Variants in ACSM5 observed in about 807,000 individuals in gnomAD.
The protein encoded by ACSM5 is acyl-CoA synthetase medium chain family member 5, also known as acyl-coenzyme A synthetase ACSM5, mitochondrial.
A neutral mutation model predicts 71.6 loss-of-function variants in ACSM5; 56 were observed. The ratio of observed to expected loss-of-function variants is 0.78; its 90% confidence interval spans 0.63 to 0.98. The LOEUF is 0.98. Among genes scored for constraint, ACSM5 ranks in the 50% least tolerant of loss-of-function variants. The pLI is 0.00. For missense variants in ACSM5, 723 were observed against 726.0 expected, an observed-to-expected ratio of 1.00 and a Z score of 0.05; for synonymous variants, 285 against 281.5, an observed-to-expected ratio of 1.01 and a Z score of -0.12.
At chr16:20,432,847 CTTTTT>C (rs56853520) in intron 10 of ACSM5, among the ~76,000 whole-genome samples, 56 of 57,600 alleles carry the variant, frequency 9.7e-4, no homozygotes, top group African/African-American at 3.7e-3. Flanking sequence ...CCAGATCATT[CTTTTT>C]TTTTTTTTTT....
Position 20,411,536 on chromosome 16 carries a change from G to T in ACSM5, c.52G>T (p.Ala18Ser), listed in dbSNP as rs1966847644. The change falls in exon 2 of 14, where the codon GCA becomes TCA. Residue 18 changes from alanine (A) to serine (S), a missense_variant. By Grantham distance (99) the Ala-to-Ser change is moderately conservative (BLOSUM62 1). Transcript: ENST00000331849. The stretch of plus-strand genomic sequence containing the variant: ...CCTCCAGGCACTGAGGAACTCCAGG[G>T]CATTCTGTGGGTCTCATGGGAAGCC... ...LVLQALRNSR[A>S]FCGSHGKPAP... The T allele has an allele frequency of 1.2e-6, 2 of 1,614,178 alleles. No individual in the cohort carries two copies. The highest frequency in any genetic ancestry group is 4.5e-5 in the East Asian group (2 of 44,884).
chr16:20,415,744 C>G (rs912891366), intron 2 of ACSM5, among the ~76,000 whole-genome samples: 2 of 152,204 alleles, frequency 1.3e-5, no homozygotes, highest in Non-Finnish European at 2.9e-5. Flanking sequence ...AGCAAAGCCA[C>G]AATCACAGAT....
chr16:20,411,348 T>C, intron 1 of ACSM5, 122 bp from the exon 2 acceptor site: 1 of 753,126 alleles, frequency 1.3e-6, no homozygotes, highest in Admixed American at 2.4e-5. Context: ...GGAGAGTTTA[T>C]TCTACAAGTC....
intron 6 of ACSM5, among the ~76,000 whole-genome samples, 161 bp from the exon 7 acceptor site, chr16:20,427,627 G>A (rs573000103): frequency 2.0e-5 from 3 of 152,358 alleles, no homozygotes; most frequent in South Asian, 4.1e-4. Flanking sequence ...GCACATGCCA[G>A]GAAGTAGGAG....
chr16:20,427,811 C>T lies in ACSM5; in HGVS notation c.945C>T (p.Thr315=), dbSNP rs1967018158. ...AGACTCTCTCCAAATTCCCGATAAC[C>T]ACCCTCTGCTGTGTCCCAACCATCT... ...ILNTLSKFPI[T]TLCCVPTIFR... is the part of the protein sequence containing the mutation. Residue 315 remains threonine, a synonymous_variant, in exon 7 of 14, where the codon ACC becomes ACT. Transcript: ENST00000331849. The T allele has an allele frequency of 3.1e-6, 5 of 1,613,886 alleles. No individual in the cohort carries two copies. The highest frequency in any genetic ancestry group is 1.1e-5 in the South Asian group (1 of 91,060).
intron 7 of ACSM5, among the ~76,000 whole-genome samples, chr16:20,428,111 A>G (rs1463209996): frequency 2.6e-5 from 4 of 152,122 alleles, no homozygotes; most frequent in Admixed American, 2.0e-4. Context: ...GCCCCCCAAA[A>G]TTTGCATCCA....
At chr16:20,427,452 C>T (rs1037142265) in intron 6 of ACSM5, among the ~76,000 whole-genome samples, 2 of 152,202 alleles carry the variant, frequency 1.3e-5, no homozygotes, top group African/African-American at 4.8e-5. Flanking sequence ...GGCTTGCTTC[C>T]CCCAGAACAA....
chr16:20,423,053 G>C (rs928173426), intron 5 of ACSM5, among the ~76,000 whole-genome samples: 1 of 152,198 alleles, frequency 6.6e-6, no homozygotes, highest in Non-Finnish European at 1.5e-5. Flanking sequence ...CATGTCTGAA[G>C]TTAATGAGAA....
chr16:20,432,352 A>G (rs909860781), intron 10 of ACSM5, among the ~76,000 whole-genome samples: 1 of 152,214 alleles, frequency 6.6e-6, no homozygotes, highest in African/African-American at 2.4e-5. Flanking sequence ...TGTGTCTACT[A>G]AGCTGTCAAT....
chr16:20,421,283 A>G lies in ACSM5; in HGVS notation c.649A>G (p.Met217Val), dbSNP rs59025904. 0.074 allele frequency: 118,855 copies of G among 1,604,656 alleles called. 6,943 individuals are homozygous for G. The highest frequency in any genetic ancestry group is 0.29 in the African/African-American group (21,706 of 74,526). ...GGAGGCTTCTACAGAGCACAACTGC[A>G]TGAGGACAAAGAGTCGAGACCCGCT... Reference protein sequence around the residue: ...LREASTEHNCMRTKSRDPLAI... With the variant: ...LREASTEHNCVRTKSRDPLAI... The change falls in exon 5 of 14, where the codon ATG becomes GTG. Residue 217 changes from methionine (M) to valine (V), a missense_variant. Transcript: ENST00000331849.
At chr16:20,418,029 C>CTTT in intron 2 of ACSM5, 30 bp from the exon 3 acceptor site, 2 of 1,550,594 alleles carry the variant, frequency 1.3e-6, no homozygotes, top group Admixed American at 3.8e-5. Flanking sequence ...TAAATTGCTT[C>CTTT]TTTTTTTTTC....
chr16:20,418,445 T>C (rs1160447819), intron 3 of ACSM5, among the ~76,000 whole-genome samples, 176 bp downstream of exon 3: 1 of 152,182 alleles, frequency 6.6e-6, no homozygotes, highest in Non-Finnish European at 1.5e-5. Flanking sequence ...GACAATGATG[T>C]AATTGATAAA....
At chr16:20,433,847 T>TC (rs1967146273) in intron 10 of ACSM5, among the ~76,000 whole-genome samples, 1 of 151,482 alleles carries the variant, frequency 6.6e-6, no homozygotes, top group Non-Finnish European at 1.5e-5. Context: ...CTAATTTTTT[T>TC]TTTTTTTTTT....
rs1335034693 is a variant in ACSM5, at chr16:20,429,815, G to C, written c.1125+14G>C. On this transcript the variant is annotated intron_variant, in intron 8 of 13. Coordinates refer to ENST00000331849, the MANE Select transcript of ACSM5 (RefSeq NM_017888.3). ...CAGTCTGAAACGGTGAGTGCTGGAG[G>C]GGCCAGGTCCCTACCCCCCAGGTCC... 1.2e-6 allele frequency: 2 copies of C among 1,610,588 alleles called. No individual in the cohort carries two copies. Among genetic ancestry groups the C allele is most frequent in the South Asian group, 1.1e-5 (1 of 90,754 alleles).
intron 4 of ACSM5, 77 bp from the exon 5 acceptor site, chr16:20,421,181 T>A (rs1966877063): frequency 6.9e-7 from 1 of 1,452,296 alleles, no homozygotes; most frequent in African/African-American, 1.4e-5. Context: ...GGTAGTCATA[T>A]TGTTGTTACA....
At chr16:20,436,071 CTT>C (rs1967189677) in intron 10 of ACSM5, among the ~76,000 whole-genome samples, 1 of 134,312 alleles carries the variant, frequency 7.4e-6, no homozygotes, top group Admixed American at 8.0e-5. Context: ...TCCTTCATTC[CTT>C]CTTCTTCCTT....
intron 10 of ACSM5, among the ~76,000 whole-genome samples, chr16:20,434,824 TA>T (rs1362882880): frequency 1.3e-5 from 2 of 152,230 alleles, no homozygotes; most frequent in African/African-American, 4.8e-5. Flanking sequence ...AGCATTACCA[TA>T]AGTCTTCACA....
At chr16:20,420,796 G>A (rs990442985) in intron 4 of ACSM5, among the ~76,000 whole-genome samples, 2 of 152,166 alleles carry the variant, frequency 1.3e-5, no homozygotes, top group Non-Finnish European at 1.5e-5. Context: ...ACTTCACAGT[G>A]CAGCCAGGGA....
intron 6 of ACSM5, among the ~76,000 whole-genome samples, chr16:20,424,354 A>C (rs1966936055): frequency 6.6e-6 from 1 of 152,102 alleles, no homozygotes; most frequent in Non-Finnish European, 1.5e-5. Context: ...CCAAAACCCT[A>C]GGTATTTGTC....
Sources: allele counts gnomAD v4.1 joint callset (sites outside exome capture counted in the v4.1 genomes callset), GRCh38; gene constraint gnomAD v4.1.1; transcripts MANE v1.5; gene names NCBI Gene and HGNC (gene_info 2026-07-23, HGNC 2026-07-21).